The following ADGRV1 variants were observed in gnomAD, a reference collection of about 807,000 sequenced individuals.
ADGRV1 encodes the protein adhesion G protein-coupled receptor V1, also known as G-protein coupled receptor 98.
Under a neutral mutation model 596.2 loss-of-function variants are expected in ADGRV1, and 359 were observed. The observed-to-expected ratio is 0.60, with a 90% CI of 0.55 to 0.66. ADGRV1 has a LOEUF of 0.66. ADGRV1 is among the 30% of genes least tolerant of loss of function. The pLI is 0.00. For missense variants in ADGRV1, 7,274 were observed against 7,575.6 expected (o/e 0.96, Z 1.48); for synonymous variants, 2,681 against 2,679.2 (o/e 1.00, Z -0.02).
chr5:90,617,924 G>A lies in ADGRV1; in HGVS notation c.328G>A (p.Glu110Lys), dbSNP rs876657822. The change falls in exon 3 of 90, where the codon GAA becomes AAA. Residue 110 changes from glutamate to lysine, a missense_variant. Physicochemically the swap from Glu to Lys is moderately conservative, Grantham distance 56. Coordinates refer to ENST00000405460, the MANE Select transcript of ADGRV1 (RefSeq NM_032119.4). ...TGATGATGACTTACCAGAGCCTGAC[G>A]AAACTTTTATTTTTCACTTAACATT... is the stretch of plus-strand genomic sequence containing the variant. ...VCDDDLPEPD[E>K]TFIFHLTLQK... 7.6e-6 allele frequency: 12 copies of A among 1,584,576 alleles called. No individual in the cohort carries two copies. In the Admixed American group the frequency reaches 1.3e-4, roughly 17 times the overall value.
At chr5:90,997,410 C>G (rs1435121031) in intron 85 of ADGRV1, among the ~76,000 whole-genome samples, 2 of 152,120 alleles carry the variant, frequency 1.3e-5, no homozygotes, top group African/African-American at 2.4e-5. Context: ...GAAGACATGC[C>G]TCCTTCCTCT....
intron 85 of ADGRV1, among the ~76,000 whole-genome samples, chr5:91,036,860 A>G (rs1354365160): frequency 9.9e-5 from 15 of 152,208 alleles, no homozygotes; most frequent in Non-Finnish European, 2.2e-4. Context: ...TCTGGCAGGA[A>G]ATTAAATGCA....
chr5:91,106,678 A>C (rs1791903941), intron 87 of ADGRV1, among the ~76,000 whole-genome samples: 1 of 152,174 alleles, frequency 6.6e-6, no homozygotes, highest in Non-Finnish European at 1.5e-5. Context: ...GAGGAACATC[A>C]CTTAGAAATT....
chr5:90,792,443 A>G (rs1298899022), intron 70 of ADGRV1: 1 of 152,224 alleles, frequency 6.6e-6, no homozygotes, highest in Admixed American at 6.5e-5. Flanking sequence ...TAGTTGCTTA[A>G]TAAAGAAAAC....
chr5:90,708,722 A>G lies in ADGRV1; in HGVS notation c.8731-94A>G. The G allele has an allele frequency of 4.1e-6, 3 of 726,116 alleles. No homozygotes were observed. The Admixed American group carries it at 7.5e-5, about 18-fold the overall frequency. 45.0% of individuals were successfully genotyped at this position (726,116 alleles called of 1,614,324 possible). On this transcript the variant is annotated intron_variant, in intron 38 of 89. Coordinates refer to ENST00000405460, the MANE Select transcript of ADGRV1 (RefSeq NM_032119.4). The stretch of plus-strand genomic sequence containing the variant: ...ATGGTTGCATTTTTGTATCTTCTGT[A>G]TACTAATTATACAGTTTAATTTAAA...
chr5:90,636,405 A>G (rs1766216053), intron 10 of ADGRV1, among the ~76,000 whole-genome samples: 1 of 152,206 alleles, frequency 6.6e-6, no homozygotes, highest in Non-Finnish European at 1.5e-5. Context: ...TGGACAGAGA[A>G]GTTTCATTTT....
intron 1 of ADGRV1, among the ~76,000 whole-genome samples, chr5:90,562,353 G>C (rs1394943001): frequency 6.6e-6 from 1 of 152,066 alleles, no homozygotes; most frequent in African/African-American, 2.4e-5. Flanking sequence ...AGCATCTTTT[G>C]CATGCATGGA....
At chr5:90,613,809 G>A (rs1763007304) in intron 1 of ADGRV1, among the ~76,000 whole-genome samples, 1 of 152,092 alleles carries the variant, frequency 6.6e-6, no homozygotes. Context: ...GCGTGTCTAA[G>A]TATAAAGCCA....
At chr5:91,139,599 T>G (rs949746629) in intron 87 of ADGRV1, among the ~76,000 whole-genome samples, 1 of 152,208 alleles carries the variant, frequency 6.6e-6, no homozygotes, top group African/African-American at 2.4e-5. Context: ...AGTCTTTTGC[T>G]CTGAATAAGG....
chr5:90,978,384 T>G (rs1278201468), intron 84 of ADGRV1, among the ~76,000 whole-genome samples: 2 of 152,242 alleles, frequency 1.3e-5, no homozygotes, highest in East Asian at 1.9e-4. Context: ...TTTCACCAGT[T>G]AACTTCTGTC....
At chr5:90,768,711 C>T (rs985280924) in intron 59 of ADGRV1, among the ~76,000 whole-genome samples, 1 of 152,142 alleles carries the variant, frequency 6.6e-6, no homozygotes, top group Admixed American at 6.5e-5. Context: ...CAACTAAGCT[C>T]CATACTTTGT....
intron 45 of ADGRV1, among the ~76,000 whole-genome samples, 164 bp downstream of exon 45, chr5:90,721,223 G>A (rs1268891642): frequency 6.6e-6 from 1 of 152,094 alleles, no homozygotes; most frequent in Non-Finnish European, 1.5e-5. Context: ...GAGGCTGGGC[G>A]CTCATGTGTT....
intron 85 of ADGRV1, among the ~76,000 whole-genome samples, chr5:91,034,020 G>A (rs879386163): frequency 1.3e-5 from 2 of 152,062 alleles, no homozygotes; most frequent in Non-Finnish European, 2.9e-5. Context: ...ATTTCTTTAT[G>A]TAAGAGAAAT....
intron 85 of ADGRV1, among the ~76,000 whole-genome samples, chr5:90,990,409 A>G (rs372696992): frequency 6.6e-6 from 1 of 152,178 alleles, no homozygotes; most frequent in African/African-American, 2.4e-5. Flanking sequence ...TACAGACTCT[A>G]TGGAAAGGGT....
At chr5:90,665,351 T>G (rs1019214637) in intron 21 of ADGRV1, among the ~76,000 whole-genome samples, 1 of 151,726 alleles carries the variant, frequency 6.6e-6, no homozygotes, top group Non-Finnish European at 1.5e-5. Context: ...GGAGAGTGTA[T>G]GTGTTGAGGA....
Position 91,068,118 on chromosome 5 carries a change from T to G in ADGRV1, c.18153-4329T>G, listed in dbSNP as rs531817964. On this transcript the variant is annotated intron_variant, in intron 85 of 89. Transcript: ENST00000405460. ...GTAGAAATATCTCTTGAAATATGCC[T>G]TGTTTACGTGAGAAATAAAATAAGC... Among the ~76,000 whole-genome samples, 4 of 152,282 alleles carry G rather than the reference T, an allele frequency of 2.6e-5. No homozygotes were observed. The East Asian group carries it at 7.7e-4, about 29-fold the overall frequency.
chr5:90,617,466 C>T (rs112805244), intron 2 of ADGRV1: 3,407 of 186,878 alleles, frequency 0.018, 105 homozygotes, highest in African/African-American at 0.067. Context: ...CACACCACCA[C>T]GCCCAGCTAA....
intron 1 of ADGRV1, among the ~76,000 whole-genome samples, chr5:90,598,299 A>G (rs1425661794): frequency 1.3e-5 from 2 of 152,212 alleles, no homozygotes; most frequent in East Asian, 1.9e-4. Context: ...CAGCACATCA[A>G]TAGTGCCCAC....
Position 90,685,818 on chromosome 5 carries a change from A to G in ADGRV1, c.6313A>G (p.Ile2105Val), listed in dbSNP as rs371849392. Residue 2105 changes from isoleucine (I) to valine (V), a missense_variant, in exon 29 of 90, where the codon ATT (isoleucine) becomes GTT (valine). Transcript: ENST00000405460. ...ACGTCTTGGGCCTAAGGTAGAAACT[A>G]TTGCGCAACTAATTATCATTGCCAA... ...SPRLGPKVET[I>V]AQLIIIANDD... The G allele has an allele frequency of 2.3e-5, 37 of 1,601,944 alleles. No individual in the cohort carries two copies. Among genetic ancestry groups the G allele is most frequent in the Non-Finnish European group, 3.1e-5 (36 of 1,171,490 alleles).
Sources: allele counts gnomAD v4.1 joint callset (sites outside exome capture counted in the v4.1 genomes callset), GRCh38; gene constraint gnomAD v4.1.1; transcripts MANE v1.5; gene names NCBI Gene and HGNC (gene_info 2026-07-23, HGNC 2026-07-21).